Variants in CDH13 observed in about 807,000 individuals in gnomAD.
The protein encoded by CDH13 is cadherin-13.
In CDH13, 24 loss-of-function variants were observed where a neutral mutation model predicts 63.8. The observed-to-expected ratio is 0.38, with a 90% CI of 0.27 to 0.53. The LOEUF (loss-of-function observed/expected upper bound fraction) is 0.53. Among genes scored for constraint, CDH13 ranks in the 20% least tolerant of loss-of-function variants. The probability of loss-of-function intolerance (pLI) is 0.85; values close to 1 mark genes in which losing one functional copy is unlikely to be tolerated. For missense variants in CDH13, 1,049 were observed against 903.1 expected (o/e 1.16, Z -2.07); for synonymous variants, 503 against 355.3 (o/e 1.42, Z -4.67).
chr16:82,788,296 T>C (rs978627190), intron 1 of CDH13, among the ~76,000 whole-genome samples: 1 of 152,158 alleles, frequency 6.6e-6, no homozygotes, highest in Non-Finnish European at 1.5e-5. Context: ...CGTAGCCACA[T>C]AAGCTCGTTA....
chr16:82,754,571 C>G (rs1228825720), intron 1 of CDH13, among the ~76,000 whole-genome samples: 1 of 152,168 alleles, frequency 6.6e-6, no homozygotes, highest in Non-Finnish European at 1.5e-5. Flanking sequence ...TAAGCATTAT[C>G]AGACAGAGAC....
At chr16:83,245,371 A>G (rs893663609) in intron 5 of CDH13, among the ~76,000 whole-genome samples, 8 of 152,230 alleles carry the variant, frequency 5.3e-5, no homozygotes, top group Non-Finnish European at 8.8e-5. Flanking sequence ...CAGTTTAAAA[A>G]TTTATGAATT....
chr16:83,477,286 T>G (rs1018986434), intron 6 of CDH13, among the ~76,000 whole-genome samples: 19 of 152,198 alleles, frequency 1.2e-4, no homozygotes, highest in African/African-American at 3.6e-4. Flanking sequence ...TGGCTGTCAA[T>G]TTGTACTTAA....
chr16:83,743,804 A>T (rs1231050869), intron 10 of CDH13, among the ~76,000 whole-genome samples: 1 of 128,516 alleles, frequency 7.8e-6, no homozygotes, highest in Non-Finnish European at 1.5e-5. Context: ...TTCCAACAGA[A>T]GGAGAAAAGA....
intron 1 of CDH13, among the ~76,000 whole-genome samples, chr16:82,787,295 T>C (rs972722825): frequency 1.3e-5 from 2 of 152,198 alleles, no homozygotes; most frequent in African/African-American, 4.8e-5. Context: ...GTTTGTATTA[T>C]ACTGTCAAAA....
chr16:83,004,826 T>G (rs574923859), intron 2 of CDH13, among the ~76,000 whole-genome samples: 1 of 152,296 alleles, frequency 6.6e-6, no homozygotes, highest in African/African-American at 2.4e-5. Context: ...GGCTGTGGAT[T>G]ATCATCTCAC....
At chr16:83,593,946 A>G (rs1487630812) in intron 7 of CDH13, among the ~76,000 whole-genome samples, 1 of 152,206 alleles carries the variant, frequency 6.6e-6, no homozygotes, top group African/African-American at 2.4e-5. Flanking sequence ...CTCAAAACTT[A>G]GTGACTTGAG....
intron 4 of CDH13, among the ~76,000 whole-genome samples, chr16:83,156,682 G>A (rs1165618952): frequency 4.6e-5 from 7 of 152,170 alleles, no homozygotes; most frequent in Non-Finnish European, 5.9e-5. Flanking sequence ...TGACTTCTGC[G>A]TCTTGACGAC....
intron 1 of CDH13, among the ~76,000 whole-genome samples, chr16:82,818,014 G>C (rs914732344): frequency 1.3e-5 from 2 of 152,102 alleles, no homozygotes; most frequent in African/African-American, 2.4e-5. Context: ...CACATGTATA[G>C]AGTTGTAGAT....
In CDH13 at chr16:82,627,071, C is replaced by G. The variant is rs369083568; in HGVS notation, c.-22C>G. 1.9e-6 allele frequency: 3 copies of G among 1,589,108 alleles called. No homozygotes were observed. The highest frequency in any genetic ancestry group is 2.3e-5 in the East Asian group (1 of 43,574). On this transcript the variant is annotated 5_prime_UTR_variant, in exon 1 of 14. Transcript: ENST00000567109. ...CCGCGTGCATGAATGAAAACGCCGCCGGGCGCTTCTAGTCGGACAAAATGC... is the reference window on the plus strand; with the variant it reads ...CCGCGTGCATGAATGAAAACGCCGCGGGGCGCTTCTAGTCGGACAAAATGC...
chr16:83,356,986 TC>T (rs2091069331), intron 6 of CDH13, among the ~76,000 whole-genome samples: 1 of 152,192 alleles, frequency 6.6e-6, no homozygotes, highest in South Asian at 2.1e-4. Context: ...TTTCCACTTT[TC>T]TTTAGTGTGT....
In CDH13 at chr16:83,065,777, G is replaced by A. The variant is rs574030284; in HGVS notation, c.366+33559G>A. Among the ~76,000 whole-genome samples, 3 of 151,718 alleles carry A rather than the reference G, an allele frequency of 2.0e-5. No homozygotes were observed. The South Asian group carries it at 6.3e-4, about 32-fold the overall frequency. On this transcript the variant is annotated intron_variant, in intron 3 of 13. Transcript: ENST00000567109. ...TTTTAGGTTCTCGCTCTTTGGATGTGTTGCTGTTTCCTGCACTCTCTTCCT... is the reference window on the plus strand; with the variant it reads ...TTTTAGGTTCTCGCTCTTTGGATGTATTGCTGTTTCCTGCACTCTCTTCCT...
At chr16:83,290,589 A>C (rs2089442380) in intron 5 of CDH13, among the ~76,000 whole-genome samples, 1 of 152,064 alleles carries the variant, frequency 6.6e-6, no homozygotes, top group Non-Finnish European at 1.5e-5. Flanking sequence ...TTTCTTTATA[A>C]ATTATGCAGT....
chr16:83,613,021 A>G (rs1327049079), intron 8 of CDH13, among the ~76,000 whole-genome samples: 1 of 152,214 alleles, frequency 6.6e-6, no homozygotes, highest in Non-Finnish European at 1.5e-5. Context: ...TATCTAAAAA[A>G]TGTCTTTTTT....
At chr16:83,785,870 A>G (rs1440268917) in intron 13 of CDH13, among the ~76,000 whole-genome samples, 1 of 152,112 alleles carries the variant, frequency 6.6e-6, no homozygotes, top group Non-Finnish European at 1.5e-5. Context: ...CGTCCTGGTG[A>G]GTGACTCCAA....
intron 2 of CDH13, among the ~76,000 whole-genome samples, chr16:82,910,699 C>T (rs1333879508): frequency 6.6e-6 from 1 of 152,140 alleles, no homozygotes; most frequent in Non-Finnish European, 1.5e-5. Context: ...TTATTGGTGG[C>T]CATGTGACAT....
intron 4 of CDH13, among the ~76,000 whole-genome samples, chr16:83,190,435 C>T (rs924909406): frequency 1.3e-5 from 2 of 152,206 alleles, no homozygotes; most frequent in African/African-American, 4.8e-5. Flanking sequence ...AAAGGGAATG[C>T]AGCACTGGGG....
intron 4 of CDH13, among the ~76,000 whole-genome samples, chr16:83,148,580 A>G (rs1195804254): frequency 6.6e-6 from 1 of 152,230 alleles, no homozygotes; most frequent in Non-Finnish European, 1.5e-5. Flanking sequence ...TGCCTGCCTC[A>G]TAGGATTTTC....
chr16:83,490,034 C>CAT (rs1479154081), intron 7 of CDH13, among the ~76,000 whole-genome samples: 1 of 149,780 alleles, frequency 6.7e-6, no homozygotes, highest in Non-Finnish European at 1.5e-5. Context: ...CACACACACA[C>CAT]ACACACACAC....
Sources: gnomAD v4.1 joint callset for allele counts (sites outside exome capture counted in the v4.1 genomes callset) on GRCh38, gnomAD v4.1.1 for gene constraint, MANE v1.5 for transcripts, NCBI Gene and HGNC (gene_info 2026-07-23, HGNC 2026-07-21) for gene names.